PRUNE2: variants seen among roughly 807,000 people sequenced by gnomAD.
The protein encoded by PRUNE2 is protein prune homolog 2.
Under a neutral mutation model 252.0 loss-of-function variants are expected in PRUNE2, and 164 were observed. That is an observed-to-expected ratio of 0.65 (90% CI 0.57 to 0.74). The LOEUF (loss-of-function observed/expected upper bound fraction) is 0.74, where lower values mean the gene tolerates loss of function less well. Among genes scored for constraint, PRUNE2 ranks in the 30% least tolerant of loss-of-function variants. The pLI, the probability that PRUNE2 is intolerant of heterozygous loss-of-function variation, is 0.00. For missense variants in PRUNE2, 3,495 were observed against 3,711.0 expected, an observed-to-expected ratio of 0.94 and a Z score of 1.51; for synonymous variants, 1,292 against 1,350.2, an observed-to-expected ratio of 0.96 and a Z score of 0.94.
intron 12 of PRUNE2, chr9:76,644,484 AC>A (rs1480364070): frequency 2.4e-6 from 1 of 422,062 alleles, no homozygotes; most frequent in African/African-American, 7.6e-5. Context: ...ATAAATTTGC[AC>A]AAGATGATCG....
intron 6 of PRUNE2, among the ~76,000 whole-genome samples, chr9:76,822,682 C>T (rs746926810): frequency 2.6e-5 from 4 of 152,174 alleles, no homozygotes; most frequent in Non-Finnish European, 4.4e-5. Context: ...TGGCGGGCGC[C>T]TTTAATCCCA....
intron 6 of PRUNE2, among the ~76,000 whole-genome samples, chr9:76,726,018 T>G (rs1023673626): frequency 2.0e-5 from 3 of 152,198 alleles, no homozygotes; most frequent in African/African-American, 7.2e-5. Flanking sequence ...GCCAGGGATA[T>G]GCAGGTCGTC....
In PRUNE2 at chr9:76,710,929, C is replaced by T. The variant is rs761404101; in HGVS notation, c.1345G>A (p.Asp449Asn). The stretch of plus-strand genomic sequence containing the variant: ...CCAGCACCTTCTCCCACGGGGCTGT[C>T]GTCACTGAGGAAAACAGAGCTCTCC... ...SKESSVFLSD[D>N]SPVGEGAGPH... Residue 449 changes from aspartate to asparagine, a missense_variant, in exon 8 of 19, where the codon GAC (aspartate) becomes AAC (asparagine). Asp to Asn is a conservative substitution (Grantham distance 23). Coordinates refer to ENST00000376718, the MANE Select transcript of PRUNE2 (RefSeq NM_015225.3). 4.5e-6 allele frequency: 7 copies of T among 1,569,000 alleles called. No homozygotes were observed. The highest frequency in any genetic ancestry group is 3.6e-5 in the South Asian group (3 of 82,562).
chr9:76,898,013 T>C (rs1041480251), intron 1 of PRUNE2, among the ~76,000 whole-genome samples: 4 of 152,186 alleles, frequency 2.6e-5, no homozygotes, highest in African/African-American at 7.2e-5. Flanking sequence ...AGCAGCCCTG[T>C]GAGGCCAGTG....
At chr9:76,671,969 C>T (rs568888997) in intron 9 of PRUNE2, among the ~76,000 whole-genome samples, 381 of 151,992 alleles carry the variant, frequency 2.5e-3, no homozygotes, top group African/African-American at 9.0e-3. Flanking sequence ...TAAAGACCAT[C>T]GAGACTAGGA....
intron 9 of PRUNE2, among the ~76,000 whole-genome samples, chr9:76,688,381 T>C (rs566494753): frequency 6.6e-6 from 1 of 152,328 alleles, no homozygotes; most frequent in African/African-American, 2.4e-5. Context: ...TCTGTCTTGT[T>C]CCATTGAGGA....
At chr9:76,766,302 C>A (rs995736962) in intron 6 of PRUNE2, among the ~76,000 whole-genome samples, 5 of 151,952 alleles carry the variant, frequency 3.3e-5, no homozygotes, top group Non-Finnish European at 5.9e-5. Flanking sequence ...TATGTTCACT[C>A]CCCAGGCAAA....
chr9:76,683,846 TTGTG>T (rs2043764510), intron 9 of PRUNE2, among the ~76,000 whole-genome samples: 1 of 151,742 alleles, frequency 6.6e-6, no homozygotes. Flanking sequence ...TAAATTATAT[TTGTG>T]TATGTATATA....
At position 76,710,746 on chromosome 9, in the gene PRUNE2, A is replaced by G. The variant is rs1439302348; in HGVS notation, c.1528T>C (p.Ser510Pro). 2.5e-6 allele frequency: 4 copies of G among 1,611,852 alleles called. No individual in the cohort carries two copies. The highest frequency in any genetic ancestry group is 2.5e-6 in the Non-Finnish European group (3 of 1,179,018). The change falls in exon 8 of 19, where the codon TCT (serine) becomes CCT (proline). Residue 510 changes from serine to proline, a missense_variant. Physicochemically the swap from Ser to Pro is moderately conservative, Grantham distance 74. Transcript: ENST00000376718. ...PMASGQSQQS[S>P]HSADYSPADD... ...GCTGGGGAGTAGTCTGCAGAATGAG[A>G]AGATTGCTGGGACTGCCCAGAAGCC...
intron 6 of PRUNE2, among the ~76,000 whole-genome samples, chr9:76,777,846 AG>A (rs1400891730): frequency 1.3e-5 from 2 of 152,202 alleles, no homozygotes; most frequent in Admixed American, 6.5e-5. Flanking sequence ...AAATAAGTTC[AG>A]GGGGCTAACT....
intron 9 of PRUNE2, among the ~76,000 whole-genome samples, chr9:76,675,944 TC>T (rs1234184899): frequency 4.2e-5 from 6 of 142,440 alleles, no homozygotes; most frequent in African/African-American, 1.0e-4. Context: ...AGGGATATCA[TC>T]GGGAGATATA....
chr9:76,685,185 T>A (rs2043953045), intron 9 of PRUNE2, among the ~76,000 whole-genome samples: 1 of 152,228 alleles, frequency 6.6e-6, no homozygotes, highest in African/African-American at 2.4e-5. Context: ...TGGCAAAAGT[T>A]CTATTATATG....
intron 6 of PRUNE2, among the ~76,000 whole-genome samples, chr9:76,768,435 C>T (rs2130882154): frequency 6.6e-6 from 1 of 152,204 alleles, no homozygotes; most frequent in East Asian, 1.9e-4. Context: ...TCAAGTGATC[C>T]TCCTGCCTTG....
At chr9:76,776,494 ATTTTCTTTTTTTTTTTCTTTTTTC>A (rs2053762893) in intron 6 of PRUNE2, among the ~76,000 whole-genome samples, 1 of 129,588 alleles carries the variant, frequency 7.7e-6, no homozygotes, top group Non-Finnish European at 1.7e-5. Context: ...TTTACACCAC[ATTTTCTTTTTTTTTTTCTTTTTTC>A]TTTTTTTTTT....
intron 6 of PRUNE2, among the ~76,000 whole-genome samples, chr9:76,801,521 A>G (rs939827850): frequency 2.0e-5 from 3 of 152,150 alleles, no homozygotes; most frequent in Non-Finnish European, 4.4e-5. Context: ...TTTCAAATAT[A>G]TTATCAAAAC....
At chr9:76,803,582 G>A (rs926828585) in intron 6 of PRUNE2, among the ~76,000 whole-genome samples, 26 of 152,212 alleles carry the variant, frequency 1.7e-4, no homozygotes, top group African/African-American at 5.5e-4. Context: ...ACCCCGTGTC[G>A]TAGTCAAAAC....
chr9:76,826,841 T>C, intron 4 of PRUNE2, 109 bp from the exon 5 acceptor site: 1 of 908,974 alleles, frequency 1.1e-6, no homozygotes, highest in Non-Finnish European at 1.7e-6. Context: ...CATTTCTGTC[T>C]CTCACCTGGA....
At position 76,706,250 on chromosome 9, in the gene PRUNE2, C is replaced by T. The variant is rs1316341165; in HGVS notation, c.6024G>A (p.Met2008Ile). 3 of 1,613,990 alleles carry T rather than the reference C, an allele frequency of 1.9e-6. No individual in the cohort carries two copies. In the East Asian group the frequency reaches 6.7e-5, roughly 36 times the overall value. Residue 2008 changes from methionine (M) to isoleucine (I), a missense_variant, in exon 8 of 19, where the codon ATG (methionine) becomes ATA (isoleucine). Physicochemically the swap from Met to Ile is conservative, Grantham distance 10. Coordinates refer to ENST00000376718, the MANE Select transcript of PRUNE2 (RefSeq NM_015225.3). ...TTTCTGTGGCAATGCTTGAATTTGTCATCTCACCTAGGTATGATTTTTCTT... is the reference window on the plus strand; with the variant it reads ...TTTCTGTGGCAATGCTTGAATTTGTTATCTCACCTAGGTATGATTTTTCTT... Reference protein sequence around the residue: ...WEQEKSYLGEMTNSSIATENF... With the variant: ...WEQEKSYLGEITNSSIATENF...
At chr9:76,810,760 A>C (rs2057303779) in intron 6 of PRUNE2, among the ~76,000 whole-genome samples, 1 of 152,224 alleles carries the variant, frequency 6.6e-6, no homozygotes, top group South Asian at 2.1e-4. Flanking sequence ...CTAAAAAAAA[A>C]GTCTTTGTTA....
Sources: allele counts gnomAD v4.1 joint callset (sites outside exome capture counted in the v4.1 genomes callset), GRCh38; gene constraint gnomAD v4.1.1; transcripts MANE v1.5; gene names NCBI Gene and HGNC (gene_info 2026-07-23, HGNC 2026-07-21).